The following ARHGEF10 variants were observed in gnomAD, a reference collection of about 807,000 sequenced individuals.
ARHGEF10 encodes the protein Rho guanine nucleotide exchange factor (GEF) 10.
A neutral mutation model predicts 147.4 loss-of-function variants in ARHGEF10; 140 were observed. That is an observed-to-expected ratio of 0.95 (90% CI 0.83 to 1.09). ARHGEF10 has a LOEUF of 1.09. Among genes scored for constraint, ARHGEF10 ranks in the 50% least tolerant of loss-of-function variants. The pLI is 0.00. For synonymous variants in ARHGEF10, 902 were observed against 695.8 expected (o/e 1.30, Z -4.67); for missense variants, 2,222 against 1,752.7 (o/e 1.27, Z -4.78).
At chr8:1,847,615 G>C (rs1309926072) in intron 2 of ARHGEF10, among the ~76,000 whole-genome samples, 1 of 151,970 alleles carries the variant, frequency 6.6e-6, no homozygotes, top group Non-Finnish European at 1.5e-5. Flanking sequence ...TTGTTTCTGG[G>C]GGATGGCACT....
chr8:1,945,679 G>C lies in ARHGEF10; in HGVS notation c.3397+24G>C, dbSNP rs540510541. 5.0e-6 allele frequency: 8 copies of C among 1,614,046 alleles called. No homozygotes were observed. The South Asian group carries it at 7.7e-5, about 16-fold the overall frequency. ...AGGTAAGGGGACGGGACGGGGCCCA[G>C]GGATGGGACAGCAACCGGGGACGGA... On this transcript the variant is annotated intron_variant, in intron 27 of 28. Coordinates refer to ENST00000349830, the MANE Select transcript of ARHGEF10 (RefSeq NM_014629.4).
At position 1,929,315 on chromosome 8, in the gene ARHGEF10, C is replaced by T; in HGVS notation, c.2951C>T (p.Ser984Phe). Residue 984 changes from serine (S) to phenylalanine (F), a missense_variant, in exon 25 of 29, where the codon TCC becomes TTC. Ser to Phe is a radical substitution (Grantham distance 155). Transcript: ENST00000349830. ...TCCATTTATAAAAGCAGTCAAGGCT[C>T]CAAGAAAGTGAGACTTCAGCACTTT... The part of the protein sequence containing the change: ...SISIYKSSQG[S>F]KKVRLQHFFT... The T allele has an allele frequency of 1.2e-6, 2 of 1,614,122 alleles. No homozygotes were observed. The highest frequency in any genetic ancestry group is 1.7e-6 in the Non-Finnish European group (2 of 1,180,032).
At chr8:1,882,967 A>T (rs1585381991) in intron 10 of ARHGEF10, among the ~76,000 whole-genome samples, 1 of 152,158 alleles carries the variant, frequency 6.6e-6, no homozygotes, top group Non-Finnish European at 1.5e-5. Context: ...AGCAGCAGAG[A>T]ATCATTGAGA....
intron 9 of ARHGEF10, among the ~76,000 whole-genome samples, chr8:1,880,672 CCT>C (rs1443301414): frequency 6.6e-6 from 1 of 152,140 alleles, no homozygotes; most frequent in Non-Finnish European, 1.5e-5. Flanking sequence ...GTCCAGGGCC[CCT>C]GAGACCGGAA....
intron 1 of ARHGEF10, among the ~76,000 whole-genome samples, chr8:1,832,353 GACA>G: frequency 6.8e-6 from 1 of 147,154 alleles, no homozygotes; most frequent in Non-Finnish European, 1.5e-5. Flanking sequence ...GAGAGACAGA[GACA>G]GGCAGAGACA....
At position 1,929,420 on chromosome 8, in the gene ARHGEF10, T is replaced by A. The variant is rs750481483; in HGVS notation, c.3056T>A (p.Val1019Asp). ...TACGCTGGCCTGGTCAACGGGGCAG[T>A]CGCCAGCTACGCCAGAGCCCCAGGT... is the stretch of plus-strand genomic sequence containing the variant. The part of the protein sequence containing the change: ...SLYAGLVNGA[V>D]ASYARAPDGS... Residue 1019 changes from valine (V) to aspartate (D), a missense_variant, in exon 25 of 29, where the codon GTC becomes GAC. Transcript: ENST00000349830. 26 of 1,610,542 alleles carry A rather than the reference T, an allele frequency of 1.6e-5. No individual in the cohort carries two copies. Among genetic ancestry groups the A allele is most frequent in the Non-Finnish European group, 2.2e-5 (26 of 1,178,578 alleles).
rs1812477697 is a variant in ARHGEF10 at position 1,923,819 on chromosome 8, C to T, written c.2433C>T (p.Thr811=). The change falls in exon 21 of 29, where the codon ACC becomes ACT. Residue 811 remains threonine, a synonymous_variant. Transcript: ENST00000349830. ...TTACAGCTGTGTTCAATACGTTCAC[C>T]CCTGCCATCAAGGAGTCCTGGGTCA... The part of the protein sequence containing the change: ...TFFTAVFNTF[T]PAIKESWVNS... 6.2e-7 allele frequency: 1 copy of T among 1,614,036 alleles called. No homozygotes were observed. Among genetic ancestry groups the T allele is most frequent in the Non-Finnish European group, 8.5e-7 (1 of 1,180,044 alleles).
At chr8:1,862,363 T>A (rs1442640471) in intron 4 of ARHGEF10, among the ~76,000 whole-genome samples, 6 of 152,268 alleles carry the variant, frequency 3.9e-5, no homozygotes, top group African/African-American at 1.4e-4. Flanking sequence ...CAGATTCCGT[T>A]ATTTTTCCTG....
At chr8:1,824,311 G>T (rs1393693253) in intron 1 of ARHGEF10, among the ~76,000 whole-genome samples, 198 bp downstream of exon 1, 2 of 151,186 alleles carry the variant, frequency 1.3e-5, no homozygotes, top group Non-Finnish European at 2.9e-5. Context: ...CGGCGCCCCC[G>T]GCCCCTCAGG....
At chr8:1,909,800 T>C (rs1392461484) in intron 18 of ARHGEF10, among the ~76,000 whole-genome samples, 1 of 152,134 alleles carries the variant, frequency 6.6e-6, no homozygotes, top group Non-Finnish European at 1.5e-5. Context: ...GCAGTGCTGG[T>C]CTCTTGAGTG....
intron 23 of ARHGEF10, 44 bp from the exon 24 acceptor site, chr8:1,928,383 G>C (rs768197476): frequency 6.3e-7 from 1 of 1,588,392 alleles, no homozygotes; most frequent in Non-Finnish European, 8.6e-7. Flanking sequence ...TATGGAAGCC[G>C]CCACATGGTC....
At chr8:1,854,312 C>T (rs1345832912) in intron 2 of ARHGEF10, among the ~76,000 whole-genome samples, 1 of 152,046 alleles carries the variant, frequency 6.6e-6, no homozygotes, top group Admixed American at 6.5e-5. Context: ...CAGGCGGCCT[C>T]GCCCTCTGTC....
chr8:1,944,886 G>C (rs1045228699), intron 26 of ARHGEF10, among the ~76,000 whole-genome samples: 3 of 152,260 alleles, frequency 2.0e-5, no homozygotes, highest in African/African-American at 4.8e-5. Flanking sequence ...GCTCCTGCTG[G>C]CTGTGGGGTG....
In ARHGEF10 at chr8:1,909,522, C is replaced by G. The variant is rs79119275; in HGVS notation, c.2143+52C>G. On this transcript the variant is annotated intron_variant, in intron 18 of 28. Transcript: ENST00000349830. ...TGCCGTGGGGCCAGGGTAACTCTCA[C>G]GTTCATGCTAGCTGTGGGGCCAGCG... The G allele has an allele frequency of 1.1e-5, 18 of 1,608,430 alleles. No individual in the cohort carries two copies. The East Asian group carries it at 3.3e-4, about 30-fold the overall frequency.
chr8:1,949,389 A>T (rs895086867), intron 27 of ARHGEF10, among the ~76,000 whole-genome samples: 1 of 152,218 alleles, frequency 6.6e-6, no homozygotes, highest in Non-Finnish European at 1.5e-5. Context: ...TGATTAACAT[A>T]CACATTCGTT....
chr8:1,903,235 G>A (rs764921814), intron 15 of ARHGEF10, 46 bp from the exon 16 acceptor site: 1 of 1,609,968 alleles, frequency 6.2e-7, no homozygotes, highest in Non-Finnish European at 8.5e-7. Context: ...TGTTGCACTG[G>A]GAGTGTCCAC....
intron 8 of ARHGEF10, among the ~76,000 whole-genome samples, chr8:1,879,786 C>G (rs958408331): frequency 2.0e-5 from 3 of 152,070 alleles, no homozygotes; most frequent in Non-Finnish European, 2.9e-5. Flanking sequence ...CTCCTGAGCT[C>G]AATTGATCCT....
intron 2 of ARHGEF10, among the ~76,000 whole-genome samples, chr8:1,843,791 G>C (rs1042181810): frequency 6.6e-6 from 1 of 152,212 alleles, no homozygotes; most frequent in African/African-American, 2.4e-5. Flanking sequence ...CCTCGCTCAG[G>C]CTTAAAGCTC....
chr8:1,888,614 GGT>G (rs1809021015), intron 11 of ARHGEF10, among the ~76,000 whole-genome samples: 25 of 138,578 alleles, frequency 1.8e-4, no homozygotes, highest in Admixed American at 3.5e-4. Context: ...AGTGTGGTGA[GGT>G]TTGTGAGGAA....
Sources: allele counts gnomAD v4.1 joint callset (sites outside exome capture counted in the v4.1 genomes callset), GRCh38; gene constraint gnomAD v4.1.1; transcripts MANE v1.5; gene names NCBI Gene and HGNC (gene_info 2026-07-23, HGNC 2026-07-21).